ANK2: variants seen among roughly 807,000 people sequenced by gnomAD.
ANK2 encodes ankyrin-2.
ANK2 carries 83 observed loss-of-function variants against 360.5 expected under a neutral mutation model. That is an observed-to-expected ratio of 0.23 (90% confidence interval 0.19 to 0.28). The LOEUF is 0.28. ANK2 is among the 10% of genes least tolerant of loss of function. ANK2 has a pLI of 1.00. For missense variants in ANK2, 4,201 were observed against 4,795.7 expected (o/e 0.88, Z 3.66); for synonymous variants, 1,740 against 1,759.5 (o/e 0.99, Z 0.28).
intron 1 of ANK2, among the ~76,000 whole-genome samples, chr4:113,062,894 G>A (rs1361831767): frequency 1.3e-5 from 2 of 151,992 alleles, no homozygotes; most frequent in Admixed American, 6.6e-5. Context: ...CTACATTACT[G>A]TACTAATTTG....
intron 1 of ANK2, among the ~76,000 whole-genome samples, chr4:113,164,835 A>G (rs1257993867): frequency 6.6e-6 from 1 of 152,210 alleles, no homozygotes; most frequent in Non-Finnish European, 1.5e-5. Flanking sequence ...CTTTTTCTCT[A>G]AACATCCTGT....
chr4:112,744,328 A>G, the ANK2 span, among the ~76,000 whole-genome samples: 1 of 150,850 alleles, frequency 6.6e-6, no homozygotes, highest in Non-Finnish European at 1.5e-5. Context: ...CACGTTACCT[A>G]TAATATTTCC....
chr4:113,335,013 C>T (rs1365584826), intron 29 of ANK2, among the ~76,000 whole-genome samples: 1 of 151,934 alleles, frequency 6.6e-6, no homozygotes, highest in African/African-American at 2.4e-5. Context: ...AACGTAGTTG[C>T]TGTTCCTGCC....
At chr4:112,957,032 T>A (rs1387190137) in intron 2 of ANK2, among the ~76,000 whole-genome samples, 4 of 132,322 alleles carry the variant, frequency 3.0e-5, no homozygotes, top group Admixed American at 7.5e-5. Flanking sequence ...TTTTTTTTTT[T>A]AATTGATCAT....
intron 1 of ANK2, among the ~76,000 whole-genome samples, chr4:113,151,863 C>T (rs1470133797): frequency 1.4e-5 from 2 of 139,888 alleles, no homozygotes; most frequent in East Asian, 4.2e-4. Flanking sequence ...CCCAGGAGTT[C>T]AAGACCCCCT....
chr4:113,276,226 C>G (rs2060213741), intron 15 of ANK2, among the ~76,000 whole-genome samples: 1 of 152,070 alleles, frequency 6.6e-6, no homozygotes, highest in African/African-American at 2.4e-5. Flanking sequence ...CAGGAGTGAG[C>G]CACTGCACCC....
rs903946801 is a variant in ANK2 at position 113,173,847 on chromosome 4, G to A, written c.85-569G>A. Among the ~76,000 whole-genome samples the A allele has an allele frequency of 1.6e-4, 24 of 152,128 alleles. 1 individual carries two copies. The highest frequency in any genetic ancestry group is 5.1e-4 in the African/African-American group (21 of 41,436). ...TTGCATCAGCCCAGTCCACACCTGC[G>A]AAGTAGTGCTATCCCCTTTCCTCAA... On this transcript the variant is annotated intron_variant, in intron 1 of 45. Transcript: ENST00000357077.
At chr4:113,213,021 C>T (rs1225900291) in intron 4 of ANK2, among the ~76,000 whole-genome samples, 2 of 152,154 alleles carry the variant, frequency 1.3e-5, no homozygotes, top group African/African-American at 4.8e-5. Context: ...TGTTAAAACA[C>T]TTATAGTATA....
chr4:113,130,771 A>G (rs2095973976), intron 1 of ANK2, among the ~76,000 whole-genome samples: 1 of 152,218 alleles, frequency 6.6e-6, no homozygotes, highest in African/African-American at 2.4e-5. Context: ...CTGATTCTAA[A>G]TATCCAACAC....
At chr4:113,219,939 G>GT (rs1353708486) in intron 4 of ANK2, among the ~76,000 whole-genome samples, 1 of 152,122 alleles carries the variant, frequency 6.6e-6, no homozygotes, top group Admixed American at 6.6e-5. Flanking sequence ...CAAAAAGGGG[G>GT]TTTTCTTGGC....
At chr4:113,200,582 G>A (rs910261546) in intron 4 of ANK2, among the ~76,000 whole-genome samples, 10 of 152,012 alleles carry the variant, frequency 6.6e-5, no homozygotes, top group Non-Finnish European at 1.5e-4. Context: ...TGCTGTATTT[G>A]ACTTTCTGTT....
chr4:112,858,697 A>G (rs2067068923), intron 1 of ANK2, among the ~76,000 whole-genome samples: 1 of 152,248 alleles, frequency 6.6e-6, no homozygotes, highest in Non-Finnish European at 1.5e-5. Flanking sequence ...GAGGACAAAG[A>G]TCAGTCAGAG....
chr4:113,204,870 G>T (rs533213725), intron 4 of ANK2, among the ~76,000 whole-genome samples: 4 of 152,124 alleles, frequency 2.6e-5, no homozygotes, highest in South Asian at 2.1e-4. Flanking sequence ...CTGGGAGGGC[G>T]TATCCATAAT....
chr4:113,310,372 G>C (rs374773063), intron 23 of ANK2, among the ~76,000 whole-genome samples: 4 of 152,048 alleles, frequency 2.6e-5, no homozygotes, highest in African/African-American at 9.7e-5. Context: ...TAGAATTTTG[G>C]GGAGTAGGGG....
At chr4:112,840,832 G>C (rs2061933028) in intron 1 of ANK2, among the ~76,000 whole-genome samples, 1 of 152,208 alleles carries the variant, frequency 6.6e-6, no homozygotes, top group East Asian at 1.9e-4. Flanking sequence ...GTATAAGCCA[G>C]GATTCCAACC....
At chr4:113,016,561 G>C (rs765997866) in intron 2 of ANK2, among the ~76,000 whole-genome samples, 1 of 152,052 alleles carries the variant, frequency 6.6e-6, no homozygotes, top group Non-Finnish European at 1.5e-5. Flanking sequence ...CCTTGCATAG[G>C]GCTAAAAAGC....
At chr4:113,014,873 T>C (rs2056036544) in intron 2 of ANK2, among the ~76,000 whole-genome samples, 1 of 106,976 alleles carries the variant, frequency 9.3e-6, no homozygotes, top group Non-Finnish European at 2.2e-5. Flanking sequence ...TTTTTTTTTT[T>C]TTTGAGACGG....
At position 112,910,214 on chromosome 4, in the gene ANK2, G is replaced by A. The variant is rs545159289; in HGVS notation, c.21+5700G>A. 3.3e-5 allele frequency among the ~76,000 whole-genome samples: 5 copies of A among 152,292 alleles called. No individual in the cohort carries two copies. In the East Asian group the frequency reaches 9.7e-4, roughly 29 times the overall value. On this transcript the variant is annotated intron_variant, in intron 2 of 30. Transcript: ENST00000503271. ...CACAGAAAAGATCATGCCCTCCTCA[G>A]CGTGAATCTGGCCCGCTTCATTTTG...
chr4:113,204,146 T>C (rs970210492), intron 4 of ANK2, among the ~76,000 whole-genome samples: 2 of 152,096 alleles, frequency 1.3e-5, no homozygotes, highest in East Asian at 3.8e-4. Flanking sequence ...ATTATTAATA[T>C]ATTCTCTAAT....
Sources: allele counts gnomAD v4.1 joint callset (sites outside exome capture counted in the v4.1 genomes callset), GRCh38; gene constraint gnomAD v4.1.1; transcripts MANE v1.5; gene names NCBI Gene and HGNC (gene_info 2026-07-23, HGNC 2026-07-21).